Variants in IGSF5 observed in about 807,000 individuals in gnomAD.
The protein encoded by IGSF5 is immunoglobulin superfamily member 5.
A neutral mutation model predicts 39.4 loss-of-function variants in IGSF5; 41 were observed. That is an observed-to-expected ratio of 1.04 (90% confidence interval 0.81 to 1.35). The LOEUF is 1.35. IGSF5 is among the 40% of genes most tolerant of loss of function. The probability of loss-of-function intolerance (pLI) is 0.00; values close to 1 mark genes in which losing one functional copy is unlikely to be tolerated. For synonymous variants in IGSF5, 183 were observed against 175.3 expected, an observed-to-expected ratio of 1.04 and a Z score of -0.34; for missense variants, 487 against 494.6, an observed-to-expected ratio of 0.98 and a Z score of 0.15.
At chr21:39,738,242 C>T in the IGSF5 span, among the ~76,000 whole-genome samples, 32 of 152,294 alleles carry the variant, frequency 2.1e-4, no homozygotes, top group African/African-American at 7.7e-4. The surrounding 1 kb of genome is among the most constrained non-coding windows in gnomAD (Gnocchi z 6.4). Flanking sequence ...GCACCTCTTT[C>T]ATGGCAGTAG....
chr21:39,751,620 G>C (rs1194841149), intron 2 of IGSF5, among the ~76,000 whole-genome samples: 2 of 150,882 alleles, frequency 1.3e-5, no homozygotes, highest in African/African-American at 2.4e-5. Flanking sequence ...AATTTGATGG[G>C]CTGGGGGGGG....
intron 5 of IGSF5, among the ~76,000 whole-genome samples, chr21:39,779,895 AG>A (rs2080161242): frequency 6.6e-6 from 1 of 152,158 alleles, no homozygotes; most frequent in Admixed American, 6.5e-5. Flanking sequence ...GTTACCAGGG[AG>A]TGGGAATGGG....
At chr21:39,765,435 A>C (rs9784201) in intron 2 of IGSF5, 100 bp from the exon 3 acceptor site, 770,181 of 1,076,896 alleles carry the variant, frequency 0.72, 278,684 homozygotes, top group Admixed American at 0.78. Context: ...TGGATGGACA[A>C]CCTGGGGGTT....
the IGSF5 span, among the ~76,000 whole-genome samples, chr21:39,730,966 G>A: frequency 1.3e-5 from 2 of 152,194 alleles, no homozygotes; most frequent in Admixed American, 1.3e-4. Context: ...ATGTTTTAAA[G>A]GCCTCTCGCC....
intron 2 of IGSF5, among the ~76,000 whole-genome samples, chr21:39,747,076 A>T (rs1238785399): frequency 6.6e-6 from 1 of 152,168 alleles, no homozygotes; most frequent in African/African-American, 2.4e-5. Flanking sequence ...AACACAACTA[A>T]CCTGGTGAAT....
intron 2 of IGSF5, among the ~76,000 whole-genome samples, chr21:39,757,920 C>T (rs938017919): frequency 2.6e-5 from 4 of 152,160 alleles, no homozygotes; most frequent in South Asian, 2.1e-4. Flanking sequence ...CCTGTCCACA[C>T]TGAGATGCGC....
At chr21:39,712,300 C>T in the IGSF5 span, among the ~76,000 whole-genome samples, 6 of 152,154 alleles carry the variant, frequency 3.9e-5, no homozygotes, top group Admixed American at 1.3e-4. Context: ...CTCACTTGCA[C>T]GCTGTCAAAC....
the IGSF5 span, among the ~76,000 whole-genome samples, chr21:39,718,592 AT>A: frequency 6.6e-6 from 1 of 152,184 alleles, no homozygotes; most frequent in African/African-American, 2.4e-5. Context: ...CCTTTTCTGC[AT>A]TTGTTGAGAT....
upstream of IGSF5, among the ~76,000 whole-genome samples, chr21:39,743,631 AG>A (rs1040018899): frequency 1.0e-4 from 2 of 19,588 alleles, no homozygotes; most frequent in Non-Finnish European, 1.9e-4. Context: ...GGAAGGAGTC[AG>A]GGGGATGTTG....
intron 3 of IGSF5, 143 bp downstream of exon 3, chr21:39,765,995 T>A (rs1375814194): frequency 2.6e-6 from 2 of 755,754 alleles, no homozygotes; most frequent in Non-Finnish European, 2.1e-6. Context: ...AACTGATGAA[T>A]GTTTTGCGAT....
chr21:39,719,558 G>A, the IGSF5 span, among the ~76,000 whole-genome samples: 3 of 151,974 alleles, frequency 2.0e-5, no homozygotes, highest in Admixed American at 6.6e-5. Context: ...TCTCTTCCAG[G>A]TCTTGTTCAG....
chr21:39,733,690 A>G, the IGSF5 span, among the ~76,000 whole-genome samples: 1 of 152,226 alleles, frequency 6.6e-6, no homozygotes, highest in Non-Finnish European at 1.5e-5. Flanking sequence ...TCTTGATTTC[A>G]GAAGTCTGAT....
At chr21:39,797,081 A>G (rs189518567) in intron 8 of IGSF5, among the ~76,000 whole-genome samples, 4 of 152,354 alleles carry the variant, frequency 2.6e-5, no homozygotes, top group Non-Finnish European at 5.9e-5. Context: ...GACTACACAC[A>G]GGCTAGTCCA....
the IGSF5 span, among the ~76,000 whole-genome samples, chr21:39,728,852 C>A: frequency 3.3e-5 from 5 of 152,198 alleles, no homozygotes; most frequent in African/African-American, 1.2e-4. Context: ...CATATCAAGT[C>A]TAATCTAGTA....
chr21:39,766,710 A>T (rs2080089284), intron 3 of IGSF5, among the ~76,000 whole-genome samples: 1 of 152,230 alleles, frequency 6.6e-6, no homozygotes, highest in Non-Finnish European at 1.5e-5. Context: ...AAGATTTGGA[A>T]TAGTCTTACC....
At chr21:39,794,794 G>A (rs189982058) in intron 8 of IGSF5, among the ~76,000 whole-genome samples, 59 of 152,212 alleles carry the variant, frequency 3.9e-4, no homozygotes, top group African/African-American at 1.1e-3. Flanking sequence ...CTGAGGCGAC[G>A]GTGCCCAGCA....
At chr21:39,787,806 T>G (rs1031215469) in intron 5 of IGSF5, among the ~76,000 whole-genome samples, 1 of 152,166 alleles carries the variant, frequency 6.6e-6, no homozygotes, top group Non-Finnish European at 1.5e-5. Context: ...GCAGCAGTGA[T>G]TGATAACACA....
chr21:39,765,437 C>T (rs113330956), intron 2 of IGSF5, 98 bp from the exon 3 acceptor site: 12 of 1,130,860 alleles, frequency 1.1e-5, no homozygotes, highest in Non-Finnish European at 1.0e-5. Flanking sequence ...GATGGACAAC[C>T]TGGGGGTTAC....
chr21:39,767,938 G>A (rs2146281139), intron 3 of IGSF5, among the ~76,000 whole-genome samples: 1 of 152,300 alleles, frequency 6.6e-6, no homozygotes, highest in East Asian at 1.9e-4. Flanking sequence ...CCTGGAGCAG[G>A]GAAACACAGG....
Sources: gnomAD v4.1 joint callset for allele counts (sites outside exome capture counted in the v4.1 genomes callset) on GRCh38, gnomAD v4.1.1 for gene constraint, Gnocchi (gnomAD v3.1) non-coding constraint, MANE v1.5 for transcripts, NCBI Gene and HGNC (gene_info 2026-07-23, HGNC 2026-07-21) for gene names.